LYN: variants seen among roughly 807,000 people sequenced by gnomAD.
LYN encodes the protein tyrosine-protein kinase Lyn.
A neutral mutation model predicts 65.0 loss-of-function variants in LYN; 12 were observed. The ratio of observed to expected loss-of-function variants is 0.18; its 90% CI spans 0.12 to 0.30. The LOEUF (loss-of-function observed/expected upper bound fraction) is 0.30. Ranked by LOEUF, LYN falls within the 10% of genes least tolerant of loss-of-function variation. LYN has a pLI of 1.00. For missense variants in LYN, 380 were observed against 623.2 expected, an observed-to-expected ratio of 0.61 and a Z score of 4.16; for synonymous variants, 222 against 221.2, an observed-to-expected ratio of 1.00 and a Z score of -0.03.
chr8:55,976,542 A>G (rs1807759085), intron 10 of LYN, among the ~76,000 whole-genome samples: 1 of 152,144 alleles, frequency 6.6e-6, no homozygotes, highest in South Asian at 2.1e-4. Flanking sequence ...AGGGATGAGC[A>G]AACGGCACAT....
At chr8:55,920,785 C>A (rs1304670283) in intron 1 of LYN, among the ~76,000 whole-genome samples, 12 of 149,054 alleles carry the variant, frequency 8.1e-5, no homozygotes, top group African/African-American at 3.0e-4. Flanking sequence ...CCTTCCCCAC[C>A]ACCCCCCCAC....
At chr8:55,930,400 T>C (rs934983714) in intron 1 of LYN, among the ~76,000 whole-genome samples, 1 of 152,222 alleles carries the variant, frequency 6.6e-6, no homozygotes, top group Non-Finnish European at 1.5e-5. Flanking sequence ...TATTTCTGAA[T>C]ATGGGTGGCT....
At position 55,977,751 on chromosome 8, in the gene LYN, C is replaced by CAAAA. The variant is rs35305537; in HGVS notation, c.1050+7974_1050+7977dup. On this transcript the variant is annotated intron_variant, in intron 10 of 12. Coordinates refer to ENST00000519728, the MANE Select transcript of LYN (RefSeq NM_002350.4). ...AACACAGTGAGACTCCTATCTCTAC[C>CAAAA]AAAAAAAAAAAAAAAAAAATTAGCC... Among the ~76,000 whole-genome samples the CAAAA allele has an allele frequency of 2.6e-5, 3 of 117,634 alleles. No individual in the cohort carries two copies. In the Admixed American group the frequency reaches 2.7e-4, roughly 11 times the overall value. 77.2% of individuals were successfully genotyped at this position (117,634 alleles called of 152,430 possible). A position where few individuals can be genotyped will look rare whatever the true frequency, so the allele number is the denominator to read the frequency against.
chr8:55,887,145 T>C (rs960178120), intron 1 of LYN, among the ~76,000 whole-genome samples: 1 of 152,248 alleles, frequency 6.6e-6, no homozygotes. Flanking sequence ...ATGAAAAATT[T>C]TTTTTCAAAA....
At chr8:55,941,305 C>T (rs1354598940) in intron 1 of LYN, among the ~76,000 whole-genome samples, 4 of 152,192 alleles carry the variant, frequency 2.6e-5, no homozygotes, top group African/African-American at 9.7e-5. Flanking sequence ...TCCCTACCTG[C>T]TCCTTGACTG....
At chr8:55,967,306 A>ATT (rs35631616) in intron 9 of LYN, among the ~76,000 whole-genome samples, 115 of 95,102 alleles carry the variant, frequency 1.2e-3, no homozygotes, top group African/African-American at 1.5e-3. Context: ...TTCCTCTTTC[A>ATT]TTTTTTTTTT....
rs1162508957 is a variant in LYN at position 55,911,098 on chromosome 8, T to TATATATATATATATATATATACAC, written c.-5-30756_-5-30755insTATATATATATATATATATACACA. 1.7e-4 allele frequency among the ~76,000 whole-genome samples: 2 copies of TATATATATATATATATATATACAC among 11,686 alleles called. 1 individual carries two copies. Among genetic ancestry groups the TATATATATATATATATATATACAC allele is most frequent in the African/African-American group, 6.9e-4 (2 of 2,914 alleles). 7.7% of individuals were successfully genotyped at this position (11,686 alleles called of 152,430 possible). A position where few individuals can be genotyped will look rare whatever the true frequency, so the allele number is the denominator to read the frequency against. ...ATATACATACATATATATATATATA[T>TATATATATATATATATATATACAC]ACATACACGTATATATACGTATATA... On this transcript the variant is annotated intron_variant, in intron 1 of 12. Transcript: ENST00000519728.
Position 55,966,696 on chromosome 8 carries a change from C to T in LYN, c.791-19C>T. The T allele has an allele frequency of 6.2e-7, 1 of 1,608,290 alleles. No individual in the cohort carries two copies. Among genetic ancestry groups the T allele is most frequent in the South Asian group, 1.1e-5 (1 of 90,628 alleles). ...TTTTCTGTTTTATAAAGCATGCCCG[C>T]CTTCTTTTTTCTTCCTAGGTTACTA... is the stretch of plus-strand genomic sequence containing the variant. On this transcript the variant is annotated intron_variant, in intron 8 of 12. Transcript: ENST00000519728.
intron 10 of LYN, among the ~76,000 whole-genome samples, chr8:55,995,070 C>G (rs1196138832): frequency 6.6e-6 from 1 of 152,180 alleles, no homozygotes; most frequent in East Asian, 1.9e-4. Context: ...GAAACAGAGG[C>G]AGGGCTCCTC....
At chr8:55,935,926 A>G (rs944380593) in intron 1 of LYN, among the ~76,000 whole-genome samples, 3 of 152,160 alleles carry the variant, frequency 2.0e-5, no homozygotes, top group African/African-American at 4.8e-5. Flanking sequence ...CAACCAGGCT[A>G]TTGTGTCCCC....
chr8:55,976,396 C>T (rs886752570), intron 10 of LYN, among the ~76,000 whole-genome samples: 9 of 151,744 alleles, frequency 5.9e-5, no homozygotes, highest in African/African-American at 2.2e-4. Context: ...TTGAAGGGAG[C>T]AGTGGAGAGT....
intron 10 of LYN, among the ~76,000 whole-genome samples, chr8:55,975,612 A>G (rs1327849360): frequency 3.3e-5 from 5 of 152,230 alleles, no homozygotes; most frequent in African/African-American, 1.2e-4. Flanking sequence ...GGGCACTTAA[A>G]TGCTCTATTT....
At chr8:55,978,362 G>A (rs957726972) in intron 10 of LYN, among the ~76,000 whole-genome samples, 2 of 152,266 alleles carry the variant, frequency 1.3e-5, no homozygotes, top group African/African-American at 4.8e-5. Context: ...CATAGAAATA[G>A]AGAAGGAATG....
intron 1 of LYN, among the ~76,000 whole-genome samples, chr8:55,916,855 G>C (rs1434316669): frequency 1.3e-5 from 2 of 152,078 alleles, no homozygotes; most frequent in African/African-American, 4.8e-5. Context: ...TTATTATTTT[G>C]AGACTGCTAT....
At chr8:55,993,869 C>T (rs778300668) in intron 10 of LYN, among the ~76,000 whole-genome samples, 3 of 152,208 alleles carry the variant, frequency 2.0e-5, no homozygotes, top group Non-Finnish European at 4.4e-5. Context: ...CTCCATGTAA[C>T]TCCCACAGAA....
At chr8:55,934,989 G>A (rs986460887) in intron 1 of LYN, among the ~76,000 whole-genome samples, 1 of 152,166 alleles carries the variant, frequency 6.6e-6, no homozygotes, top group Non-Finnish European at 1.5e-5. Flanking sequence ...AACCATCGAA[G>A]CAGCTCTGTG....
chr8:55,925,808 A>T (rs938307550), intron 1 of LYN, among the ~76,000 whole-genome samples: 3 of 152,190 alleles, frequency 2.0e-5, no homozygotes, highest in African/African-American at 7.2e-5. Context: ...TAATTTTTAC[A>T]ACTATATTTT....
In LYN at chr8:55,916,693, G is replaced by T. The variant is rs1010797743; in HGVS notation, c.-5-25162G>T. Among the ~76,000 whole-genome samples, 6 of 152,078 alleles carry T rather than the reference G, an allele frequency of 3.9e-5. 1 individual carries two copies. The highest frequency in any genetic ancestry group is 3.9e-4 in the Admixed American group (6 of 15,270). ...GTGGAGCCAGGCTGACCTCTCTCTG[G>T]CTCCATACTGGAAATGTGTGTGGCA... is the stretch of plus-strand genomic sequence containing the variant. On this transcript the variant is annotated intron_variant, in intron 1 of 12. Transcript: ENST00000519728.
chr8:55,893,394 C>T (rs1259551230), intron 1 of LYN, among the ~76,000 whole-genome samples: 1 of 152,200 alleles, frequency 6.6e-6, no homozygotes, highest in Non-Finnish European at 1.5e-5. Flanking sequence ...CCAGTCTGTG[C>T]ATAGGCATTT....
Sources: allele counts gnomAD v4.1 joint callset (sites outside exome capture counted in the v4.1 genomes callset), GRCh38; gene constraint gnomAD v4.1.1; transcripts MANE v1.5; gene names NCBI Gene and HGNC (gene_info 2026-07-23, HGNC 2026-07-21).